Variants in MYO18B observed in about 807,000 individuals in gnomAD.
The protein encoded by MYO18B is myosin XVIIIB.
A neutral mutation model predicts 273.0 loss-of-function variants in MYO18B; 204 were observed. The ratio of observed to expected loss-of-function variants is 0.75; its 90% CI spans 0.67 to 0.84. MYO18B has a LOEUF of 0.84. Among genes scored for constraint, MYO18B ranks in the 40% least tolerant of loss-of-function variants. The probability of loss-of-function intolerance (pLI) is 0.00; values close to 1 mark genes in which losing one functional copy is unlikely to be tolerated. For synonymous variants in MYO18B, 1,330 were observed against 1,305.7 expected (o/e 1.02, Z -0.40); for missense variants, 3,212 against 3,287.6 (o/e 0.98, Z 0.56).
chr22:25,966,234 TTTTG>T (rs1469033839), intron 39 of MYO18B, among the ~76,000 whole-genome samples: 11 of 152,188 alleles, frequency 7.2e-5, no homozygotes, highest in African/African-American at 1.7e-4. Flanking sequence ...AGGTTCTGTT[TTTTG>T]TTTGTTTGTT....
chr22:25,916,804 G>T (rs1003190486), intron 33 of MYO18B, among the ~76,000 whole-genome samples: 1 of 152,172 alleles, frequency 6.6e-6, no homozygotes, highest in Non-Finnish European at 1.5e-5. Flanking sequence ...GGCCAAGGTG[G>T]GCAGATCATT....
chr22:26,008,939 C>G (rs1934663185), intron 42 of MYO18B, among the ~76,000 whole-genome samples: 1 of 152,184 alleles, frequency 6.6e-6, no homozygotes, highest in Non-Finnish European at 1.5e-5. Flanking sequence ...AGATCCTCAC[C>G]CCAAGCCCAG....
intron 23 of MYO18B, among the ~76,000 whole-genome samples, chr22:25,874,680 G>A (rs1436536951): frequency 1.3e-5 from 2 of 152,126 alleles, no homozygotes; most frequent in African/African-American, 4.8e-5. Context: ...TCTTGTTTCT[G>A]GAGAAATTCA....
At chr22:26,046,057 T>C in the MYO18B span, among the ~76,000 whole-genome samples, 1 of 152,228 alleles carries the variant, frequency 6.6e-6, no homozygotes, top group Non-Finnish European at 1.5e-5. Context: ...CTGACTCTGC[T>C]AGGCAACCCA....
At chr22:26,025,031 C>T (rs529319114) in intron 42 of MYO18B, among the ~76,000 whole-genome samples, 53 of 152,290 alleles carry the variant, frequency 3.5e-4, no homozygotes, top group African/African-American at 1.1e-3. Context: ...GGGCACTAAT[C>T]TCATTTACAA....
At chr22:25,960,178 T>G (rs1195929401) in intron 39 of MYO18B, among the ~76,000 whole-genome samples, 2 of 152,132 alleles carry the variant, frequency 1.3e-5, no homozygotes, top group Admixed American at 6.5e-5. Context: ...TTTTAGTAAA[T>G]GTACTATTCC....
rs542713380 is a variant in MYO18B at position 26,026,647 on chromosome 22, T to A, written c.6673T>A (p.Ser2225Thr). 1 of 1,613,512 alleles carries A rather than the reference T, an allele frequency of 6.2e-7. No individual in the cohort carries two copies. The highest frequency in any genetic ancestry group is 1.6e-4 in the Middle Eastern group (1 of 6,062). Residue 2225 changes from serine to threonine, a missense_variant, in exon 43 of 44, where the codon TCC (serine) becomes ACC (threonine). Transcript: ENST00000335473. ...RKSTERLEPA[S>T]SPLASRSTNT... ...GTCCACAGAGAGATTAGAACCTGCTTCCTCTCCCCTGGCTTCTCGGAGTAC... is the reference window on the plus strand; with the variant it reads ...GTCCACAGAGAGATTAGAACCTGCTACCTCTCCCCTGGCTTCTCGGAGTAC...
intron 22 of MYO18B, among the ~76,000 whole-genome samples, chr22:25,870,044 T>C (rs1174863859): frequency 6.6e-6 from 1 of 152,226 alleles, no homozygotes; most frequent in Non-Finnish European, 1.5e-5. Context: ...TCAAGTGTGT[T>C]CCTGCTTTAC....
intron 16 of MYO18B, among the ~76,000 whole-genome samples, chr22:25,834,339 G>C (rs1199455332): frequency 6.6e-6 from 1 of 152,012 alleles, no homozygotes; most frequent in African/African-American, 2.4e-5. Context: ...AGGACCTTCT[G>C]AGCGTGGGCT....
At chr22:25,801,826 CAG>C (rs535423221) in intron 12 of MYO18B, among the ~76,000 whole-genome samples, 52 of 152,260 alleles carry the variant, frequency 3.4e-4, no homozygotes, top group Non-Finnish European at 7.1e-4. Context: ...TGATGCGCAG[CAG>C]AGAGTTTCAC....
At chr22:25,928,470 C>G (rs2092452463) in intron 34 of MYO18B, among the ~76,000 whole-genome samples, 1 of 150,002 alleles carries the variant, frequency 6.7e-6, no homozygotes, top group African/African-American at 2.5e-5. Context: ...TGCAGAATAT[C>G]AGGCTCTACC....
At chr22:26,050,605 G>A in the MYO18B span, among the ~76,000 whole-genome samples, 7 of 152,132 alleles carry the variant, frequency 4.6e-5, no homozygotes, top group African/African-American at 1.2e-4. Flanking sequence ...GACAGGGCAC[G>A]TAGGAATATG....
At chr22:25,833,058 G>A in intron 16 of MYO18B, 61 bp downstream of exon 16, 9 of 1,473,752 alleles carry the variant, frequency 6.1e-6, no homozygotes, top group Non-Finnish European at 8.5e-6. Flanking sequence ...TGAAATGCTG[G>A]TGGATTTGAG....
intron 12 of MYO18B, among the ~76,000 whole-genome samples, chr22:25,805,113 G>T (rs2088407918): frequency 1.3e-5 from 2 of 152,196 alleles, no homozygotes; most frequent in African/African-American, 4.8e-5. Context: ...CCAGCTCTCA[G>T]TGGGGATGGA....
chr22:25,952,560 C>A, intron 38 of MYO18B, 137 bp downstream of exon 38: 2 of 1,165,470 alleles, frequency 1.7e-6, no homozygotes, highest in Non-Finnish European at 2.4e-6. Flanking sequence ...ACTTCTCACC[C>A]AAGCTCCCTC....
the MYO18B span, among the ~76,000 whole-genome samples, chr22:26,061,012 C>CATACCACATATGCACACACAT: frequency 2.0e-5 from 2 of 101,868 alleles, no homozygotes; most frequent in African/African-American, 8.7e-5. Context: ...CACATACACA[C>CATACCACATATGCACACACAT]ACACACACAC....
intron 42 of MYO18B, among the ~76,000 whole-genome samples, chr22:26,007,254 GA>G (rs1934506200): frequency 6.6e-6 from 1 of 152,180 alleles, no homozygotes; most frequent in Non-Finnish European, 1.5e-5. Flanking sequence ...ATGAATAACT[GA>G]CCAGAGCATC....
chr22:25,903,670 G>A lies in MYO18B; in HGVS notation c.4987G>A (p.Glu1663Lys). 1 of 1,609,864 alleles carries A rather than the reference G, an allele frequency of 6.2e-7. No homozygotes were observed. The highest frequency in any genetic ancestry group is 8.5e-7 in the Non-Finnish European group (1 of 1,178,116). The stretch of plus-strand genomic sequence containing the variant: ...AGCCTCACAGCTGAAGCAGCAGGTG[G>A]AGATGCTACAGGACCATAAACGGGA... ...QEASQLKQQVEMLQDHKRELL... is the reference protein window; with the variant it reads ...QEASQLKQQVKMLQDHKRELL... The change falls in exon 31 of 44, where the codon GAG (glutamate) becomes AAG (lysine). Residue 1663 changes from glutamate (E) to lysine (K), a missense_variant. Transcript: ENST00000335473.
At chr22:25,931,681 C>CTTTTTTTTTTTTTTTTTTTTTTT (rs71311530) in intron 34 of MYO18B, among the ~76,000 whole-genome samples, 4 of 123,508 alleles carry the variant, frequency 3.2e-5, no homozygotes, top group Non-Finnish European at 6.8e-5. Context: ...TTTCTTTTTT[C>CTTTTTTTTTTTTTTTTTTTTTTT]TTTTTTTTTT....
Sources: allele counts gnomAD v4.1 joint callset (sites outside exome capture counted in the v4.1 genomes callset), GRCh38; gene constraint gnomAD v4.1.1; transcripts MANE v1.5; gene names NCBI Gene and HGNC (gene_info 2026-07-23, HGNC 2026-07-21).